The following ZSWIM5 variants were observed in gnomAD, a reference collection of about 807,000 sequenced individuals.
The protein encoded by ZSWIM5 is zinc finger SWIM domain-containing protein 5.
ZSWIM5 carries 55 observed loss-of-function variants against 119.6 expected under a neutral mutation model. That is an observed-to-expected ratio of 0.46 (90% CI 0.37 to 0.58). ZSWIM5 has a LOEUF of 0.58. ZSWIM5 is among the 20% of genes least tolerant of loss of function. The pLI is 0.00. For missense variants in ZSWIM5, 1,193 were observed against 1,512.8 expected (o/e 0.79, Z 3.51); for synonymous variants, 537 against 606.9 (o/e 0.88, Z 1.69).
chr1:45,112,773 A>G (rs1278170185), intron 1 of ZSWIM5, among the ~76,000 whole-genome samples: 1 of 152,216 alleles, frequency 6.6e-6, no homozygotes, highest in Non-Finnish European at 1.5e-5. Context: ...ACACAGGACA[A>G]CTCATAAATC....
intron 10 of ZSWIM5, among the ~76,000 whole-genome samples, 166 bp downstream of exon 10, chr1:45,035,522 A>C (rs1377657572): frequency 1.3e-5 from 2 of 152,222 alleles, no homozygotes; most frequent in African/African-American, 4.8e-5. Flanking sequence ...TCCAGATATG[A>C]ATCCTAGATC....
intron 1 of ZSWIM5, among the ~76,000 whole-genome samples, chr1:45,145,134 A>G (rs909138504): frequency 6.6e-5 from 10 of 152,184 alleles, no homozygotes; most frequent in Non-Finnish European, 1.2e-4. Context: ...TACCAGTGAA[A>G]ATGAGTAAAA....
chr1:45,122,086 T>C (rs1645596471), intron 1 of ZSWIM5, among the ~76,000 whole-genome samples: 1 of 152,226 alleles, frequency 6.6e-6, no homozygotes, highest in East Asian at 1.9e-4. Flanking sequence ...CATTCTGTCT[T>C]ACTCATTAAC....
At chr1:45,145,345 CA>C (rs75896780) in intron 1 of ZSWIM5, among the ~76,000 whole-genome samples, 21,706 of 95,100 alleles carry the variant, frequency 0.23, 1,564 homozygotes, top group Non-Finnish European at 0.23. Flanking sequence ...GTTACGTTAA[CA>C]AAAAAAAAAA....
intron 11 of ZSWIM5, among the ~76,000 whole-genome samples, chr1:45,030,965 T>G (rs1378150135): frequency 6.6e-6 from 1 of 151,490 alleles, no homozygotes; most frequent in Non-Finnish European, 1.5e-5. Flanking sequence ...GCCCAGCTAA[T>G]TTTTGTATTT....
At chr1:45,082,882 C>A (rs745408017) in intron 2 of ZSWIM5, among the ~76,000 whole-genome samples, 9 of 152,022 alleles carry the variant, frequency 5.9e-5, no homozygotes, top group Non-Finnish European at 1.3e-4. Context: ...AAAGACAGGC[C>A]AATACAGGTC....
chr1:45,055,236 T>C (rs2088956), intron 4 of ZSWIM5, among the ~76,000 whole-genome samples: 131,040 of 152,050 alleles, frequency 0.86, 56,513 homozygotes, highest in South Asian at 0.93. Flanking sequence ...GTGATCCGCC[T>C]GCCTTGGCCT....
At chr1:45,144,056 T>A (rs1557779098) in intron 1 of ZSWIM5, among the ~76,000 whole-genome samples, 1 of 152,142 alleles carries the variant, frequency 6.6e-6, no homozygotes, top group Non-Finnish European at 1.5e-5. Flanking sequence ...ATAGTGAAGA[T>A]TTCAATTTTC....
At chr1:45,203,769 C>T (rs1332824153) in intron 1 of ZSWIM5, among the ~76,000 whole-genome samples, 3 of 152,044 alleles carry the variant, frequency 2.0e-5, no homozygotes, top group Non-Finnish European at 2.9e-5. Context: ...GCAGAACAGG[C>T]TATCCTTCTC....
chr1:45,085,304 T>C (rs1430695028), intron 2 of ZSWIM5, among the ~76,000 whole-genome samples: 1 of 152,168 alleles, frequency 6.6e-6, no homozygotes, highest in African/African-American at 2.4e-5. Flanking sequence ...CTCCTAGGTC[T>C]CTGGGCCTGT....
intron 1 of ZSWIM5, among the ~76,000 whole-genome samples, chr1:45,127,978 A>G (rs1323674279): frequency 6.6e-6 from 1 of 152,200 alleles, no homozygotes; most frequent in African/African-American, 2.4e-5. Context: ...TGGTGAAAGA[A>G]AACATAGATC....
intron 1 of ZSWIM5, among the ~76,000 whole-genome samples, chr1:45,187,048 C>T (rs1043158491): frequency 5.3e-5 from 8 of 152,082 alleles, no homozygotes; most frequent in African/African-American, 9.6e-5. Context: ...TCTACGGATT[C>T]GATACAATCG....
At chr1:45,186,167 C>T (rs533803105) in intron 1 of ZSWIM5, among the ~76,000 whole-genome samples, 3 of 147,498 alleles carry the variant, frequency 2.0e-5, no homozygotes, top group Non-Finnish European at 3.0e-5. Context: ...AACCAAACAC[C>T]GCATGTTCTC....
chr1:45,151,089 G>T (rs1645794220), intron 1 of ZSWIM5, among the ~76,000 whole-genome samples: 3 of 152,050 alleles, frequency 2.0e-5, no homozygotes, highest in Admixed American at 2.0e-4. Flanking sequence ...CAGTGCCCAG[G>T]TTCTAATCCA....
intron 2 of ZSWIM5, among the ~76,000 whole-genome samples, chr1:45,084,156 C>T (rs1178812258): frequency 6.6e-6 from 1 of 152,180 alleles, no homozygotes; most frequent in Non-Finnish European, 1.5e-5. Context: ...GCAATCCACA[C>T]ACCTTGGCTT....
intron 7 of ZSWIM5, among the ~76,000 whole-genome samples, chr1:45,039,851 C>T (rs1034841163): frequency 2.6e-5 from 4 of 151,918 alleles, no homozygotes; most frequent in Non-Finnish European, 2.9e-5. Context: ...ATTACAGGCA[C>T]GCGCCACCAC....
intron 1 of ZSWIM5, among the ~76,000 whole-genome samples, chr1:45,138,604 G>T (rs1557777389): frequency 2.6e-5 from 4 of 151,960 alleles, no homozygotes; most frequent in Non-Finnish European, 5.9e-5. Context: ...AAATAAGCAG[G>T]TTCCGCAGGG....
intron 6 of ZSWIM5, among the ~76,000 whole-genome samples, chr1:45,041,104 T>A (rs1021422378): frequency 1.3e-5 from 2 of 152,114 alleles, no homozygotes; most frequent in Non-Finnish European, 2.9e-5. Context: ...TTCAAACAGG[T>A]AGACAAACAG....
At position 45,169,282 on chromosome 1, in the gene ZSWIM5, C is replaced by T. The variant is rs74070880; in HGVS notation, c.595+36474G>A. ...TCAACCATACCAGAAGGTGGGAAAA[C>T]AGACAATCTTATATAAATGAGATAA... is the stretch of plus-strand genomic sequence containing the variant. On this transcript the variant is annotated intron_variant, in intron 1 of 13. Transcript: ENST00000359600. Among the ~76,000 whole-genome samples, 783 of 152,020 alleles carry T rather than the reference C, an allele frequency of 5.2e-3. 7 individuals carry two copies. Among genetic ancestry groups the T allele is most frequent in the African/African-American group, 0.017 (691 of 41,502 alleles).
Sources: allele counts gnomAD v4.1 joint callset (sites outside exome capture counted in the v4.1 genomes callset), GRCh38; gene constraint gnomAD v4.1.1; transcripts MANE v1.5; gene names NCBI Gene and HGNC (gene_info 2026-07-23, HGNC 2026-07-21).